The following BAZ2A variants were observed in gnomAD, a reference collection of about 807,000 sequenced individuals.
The protein encoded by BAZ2A is bromodomain adjacent to zinc finger domain protein 2A.
A neutral mutation model predicts 199.9 loss-of-function variants in BAZ2A; 34 were observed. That is an observed-to-expected ratio of 0.17 (90% CI 0.13 to 0.23). The LOEUF (loss-of-function observed/expected upper bound fraction) is 0.23. Among genes scored for constraint, BAZ2A ranks in the 10% least tolerant of loss-of-function variants. The pLI is 1.00. For synonymous variants in BAZ2A, 857 were observed against 883.9 expected, an observed-to-expected ratio of 0.97 and a Z score of 0.54; for missense variants, 2,002 against 2,391.1, an observed-to-expected ratio of 0.84 and a Z score of 3.39.
intron 11 of BAZ2A, 89 bp downstream of exon 11, chr12:56,606,544 G>A (rs1483969903): frequency 2.3e-6 from 3 of 1,329,722 alleles, no homozygotes; most frequent in Admixed American, 1.7e-5. Context: ...TGCTACACAG[G>A]GAGTGACGGA....
intron 1 of BAZ2A, among the ~76,000 whole-genome samples, chr12:56,620,688 C>CA: frequency 6.6e-6 from 1 of 151,874 alleles, no homozygotes; most frequent in Admixed American, 6.6e-5. Flanking sequence ...GCCTCCCCAG[C>CA]AGCTGGGATT....
chr12:56,636,223 T>C, exon 1 of BAZ2A: 1 of 1,585,618 alleles, frequency 6.3e-7, no homozygotes, highest in South Asian at 1.2e-5. Context: ...ACCACCCAGC[T>C]CCTCACTGTC....
chr12:56,632,346 T>C (rs1951335019), upstream of BAZ2A, among the ~76,000 whole-genome samples: 1 of 152,088 alleles, frequency 6.6e-6, no homozygotes, highest in Non-Finnish European at 1.5e-5. Context: ...CTGGTATCCT[T>C]TTGTCTTCCC....
In BAZ2A at chr12:56,601,214, G is replaced by A. The variant is rs771471487; in HGVS notation, c.4260C>T (p.Tyr1420=). The A allele has an allele frequency of 6.2e-7, 1 of 1,614,050 alleles. No homozygotes were observed. Among genetic ancestry groups the A allele is most frequent in the Non-Finnish European group, 8.5e-7 (1 of 1,179,904 alleles). ...CAGGCTGGGCTGTCAGCTGGGTTAG[G>A]TAACGCTGTTCCATCTGTTTGAAGA... is the stretch of plus-strand genomic sequence containing the variant. ...SKFFKQMEQR[Y]LTQLTAQPVP... Residue 1420 remains tyrosine, a synonymous_variant, in exon 21 of 29, where the codon TAC becomes TAT. Coordinates refer to ENST00000549884, the MANE Select transcript of BAZ2A (RefSeq NM_001300905.2).
chr12:56,630,047 CT>C, intron 1 of BAZ2A, 77 bp downstream of exon 1: 2 of 910,342 alleles, frequency 2.2e-6, no homozygotes, highest in Non-Finnish European at 2.6e-6. Flanking sequence ...GGCTCTGGAG[CT>C]TCTGTTCCCC....
chr12:56,607,475 G>A (rs1014149102), intron 10 of BAZ2A, among the ~76,000 whole-genome samples: 1 of 152,112 alleles, frequency 6.6e-6, no homozygotes, highest in East Asian at 1.9e-4. Flanking sequence ...AGGTTCAAGC[G>A]ATTCTCCTGC....
rs1286434953 is a variant in BAZ2A at position 56,635,462 on chromosome 12, T to TCCTCAGGGCTCAGGAG, written c.4+719_4+720insCTCCTGAGCCCTGAGG. Among the ~76,000 whole-genome samples, 1 of 152,012 alleles carries TCCTCAGGGCTCAGGAG rather than the reference T, an allele frequency of 6.6e-6. No individual in the cohort carries two copies. Among genetic ancestry groups the TCCTCAGGGCTCAGGAG allele is most frequent in the Non-Finnish European group, 1.5e-5 (1 of 67,982 alleles). ...GTGAACTGGTTCCCCGTGTTTCAGC[T>TCCTCAGGGCTCAGGAG]CCTCAGGGCTCCATCCCTACGGCTG... On this transcript the variant is annotated intron_variant, in intron 1 of 29. Transcript: ENST00000379441. This position sits in a 1 kb window ranked among gnomAD's most constrained non-coding sequence, Gnocchi z 4.1.
At chr12:56,628,306 C>T (rs1951179464) in intron 1 of BAZ2A, among the ~76,000 whole-genome samples, 1 of 150,572 alleles carries the variant, frequency 6.6e-6, no homozygotes, top group Non-Finnish European at 1.5e-5. Context: ...TGCCTGGGGA[C>T]ATAGCACACA....
At chr12:56,603,499 T>C (rs1378537328) in intron 17 of BAZ2A, 21 bp downstream of exon 17, 4 of 1,613,770 alleles carry the variant, frequency 2.5e-6, no homozygotes, top group Non-Finnish European at 3.4e-6. Context: ...ACTCCCACTT[T>C]CCTTGATCTT....
At chr12:56,628,681 C>T (rs774018177) in intron 1 of BAZ2A, among the ~76,000 whole-genome samples, 2 of 152,174 alleles carry the variant, frequency 1.3e-5, no homozygotes, top group Non-Finnish European at 2.9e-5. Flanking sequence ...TCTTCCTCAC[C>T]CCTTCCTCTT....
At chr12:56,611,231 T>C (rs1216721527) in intron 7 of BAZ2A, 1 of 387,836 alleles carries the variant, frequency 2.6e-6, no homozygotes. Flanking sequence ...ACTAAGTCAC[T>C]CCTCATTCAT....
chr12:56,599,839 C>A lies in BAZ2A; in HGVS notation c.5035G>T (p.Val1679Phe). The A allele has an allele frequency of 6.2e-7, 1 of 1,614,044 alleles. No individual in the cohort carries two copies. Residue 1679 changes from valine (V) to phenylalanine (F), a missense_variant, in exon 26 of 29, where the codon GTC becomes TTC. By Grantham distance (50) the Val-to-Phe change is conservative. Around this residue, in one of 6 missense-constraint regions of BAZ2A, gnomAD observed 1,081 missense variants for 1,274.7 expected, o/e 0.85. Coordinates refer to ENST00000549884, the MANE Select transcript of BAZ2A (RefSeq NM_001300905.2). ...TCATCATTGTCACCCTTCCGGCAGA[C>A]TAGACATGTCTGGACCAAGGTTGTG... ...EKSVNKVTCL[V>F]CRKGDNDEFL...
At chr12:56,605,725 T>C in intron 13 of BAZ2A, 105 bp downstream of exon 13, 1 of 1,272,558 alleles carries the variant, frequency 7.9e-7, no homozygotes, top group South Asian at 1.5e-5. Flanking sequence ...CCGGCCTTCC[T>C]TTAATCTTTA....
intron 1 of BAZ2A, among the ~76,000 whole-genome samples, chr12:56,625,894 A>AAC (rs1951082209): frequency 6.6e-6 from 1 of 151,424 alleles, no homozygotes; most frequent in African/African-American, 2.4e-5. Context: ...AAAAAAAAAA[A>AAC]AAACAACAAC....
chr12:56,604,463 T>C (rs1278172977), intron 15 of BAZ2A, 122 bp downstream of exon 15: 27 of 1,345,398 alleles, frequency 2.0e-5, no homozygotes, highest in Non-Finnish European at 2.5e-5. Flanking sequence ...TCCCAAGTCA[T>C]TCCAGCATCT....
chr12:56,632,747 G>A (rs1951349258), upstream of BAZ2A, among the ~76,000 whole-genome samples: 1 of 152,148 alleles, frequency 6.6e-6, no homozygotes, highest in East Asian at 1.9e-4. Flanking sequence ...TCCTGAATGA[G>A]ACCCCACCTC....
chr12:56,601,759 G>C lies in BAZ2A; in HGVS notation c.3858C>G (p.Leu1286=). 6.2e-7 allele frequency: 1 copy of C among 1,614,006 alleles called. No homozygotes were observed. Residue 1286 remains leucine, a synonymous_variant, in exon 20 of 29, where the codon CTC becomes CTG. Transcript: ENST00000549884. ...GTTTTCCCGGACTGCTATCAGGTGT[G>C]AGGACTGAGCTGCTCAACAGGGAGC... is the stretch of plus-strand genomic sequence containing the variant. ...SHSSLLSSSV[L]TPDSSPGKLD... is the part of the protein sequence containing the mutation.
upstream of BAZ2A, chr12:56,634,981 G>T (rs1419419359): frequency 1.0e-6 from 1 of 984,738 alleles, no homozygotes; most frequent in Non-Finnish European, 1.2e-6. Flanking sequence ...CGGCGGCGGC[G>T]GCAGAGGCGC....
chr12:56,598,800 C>A lies in BAZ2A; in HGVS notation c.5547-17G>T, dbSNP rs1228799918. ...CTGGTGTACCTGGACAGGGCAGGGG[C>A]AAAACTGTGAGCTGGGTAGGAGTTG... is the stretch of plus-strand genomic sequence containing the variant. On this transcript the variant is annotated splice_polypyrimidine_tract_variant and intron_variant, in intron 28 of 28. Coordinates refer to ENST00000549884, the MANE Select transcript of BAZ2A (RefSeq NM_001300905.2). The A allele has an allele frequency of 1.9e-6, 3 of 1,610,282 alleles. No individual in the cohort carries two copies. The Admixed American group carries it at 5.1e-5, about 27-fold the overall frequency.
Sources: gnomAD v4.1 joint callset for allele counts (sites outside exome capture counted in the v4.1 genomes callset) on GRCh38, gnomAD v4.1.1 for gene constraint, gnomAD v4.1.1 regional missense constraint, Gnocchi (gnomAD v3.1) non-coding constraint, MANE v1.5 for transcripts, NCBI Gene and HGNC (gene_info 2026-07-23, HGNC 2026-07-21) for gene names.